GPC5: variants seen among roughly 807,000 people sequenced by gnomAD.
The protein encoded by GPC5 is glypican 5.
A neutral mutation model predicts 53.9 loss-of-function variants in GPC5; 47 were observed. The ratio of observed to expected loss-of-function variants is 0.87; its 90% CI spans 0.69 to 1.11. The LOEUF is 1.11. Among genes scored for constraint, GPC5 ranks in the 50% most tolerant of loss-of-function variants. GPC5 has a pLI of 0.00. For synonymous variants in GPC5, 286 were observed against 263.3 expected (o/e 1.09, Z -0.84); for missense variants, 748 against 713.1 (o/e 1.05, Z -0.56).
intron 6 of GPC5, among the ~76,000 whole-genome samples, chr13:92,003,161 A>T (rs996280664): frequency 6.6e-6 from 1 of 151,890 alleles, no homozygotes. Flanking sequence ...AAATACAAAA[A>T]TTAGCTGGGC....
At chr13:91,525,246 G>T (rs1300052056) in intron 2 of GPC5, among the ~76,000 whole-genome samples, 1 of 152,022 alleles carries the variant, frequency 6.6e-6, no homozygotes, top group African/African-American at 2.4e-5. Flanking sequence ...AAATTTTTTA[G>T]AGCATCCTGA....
chr13:91,758,475 T>C (rs1013461120), intron 5 of GPC5, among the ~76,000 whole-genome samples: 3 of 152,148 alleles, frequency 2.0e-5, no homozygotes, highest in African/African-American at 7.2e-5. Context: ...ATTTATCCCA[T>C]TCCTCTCTTG....
intron 7 of GPC5, among the ~76,000 whole-genome samples, chr13:92,743,751 A>G (rs2139315148): frequency 6.6e-6 from 1 of 152,242 alleles, no homozygotes; most frequent in East Asian, 1.9e-4. Context: ...TTATTTTGAT[A>G]TTCGTCCCAT....
intron 7 of GPC5, among the ~76,000 whole-genome samples, chr13:92,351,138 T>C (rs964885490): frequency 6.6e-6 from 1 of 151,890 alleles, no homozygotes; most frequent in Admixed American, 6.6e-5. Flanking sequence ...TTCAATAATA[T>C]ATTACTTATT....
chr13:92,784,448 C>T (rs956954594), intron 7 of GPC5, among the ~76,000 whole-genome samples: 9 of 150,314 alleles, frequency 6.0e-5, no homozygotes, highest in African/African-American at 2.2e-4. Flanking sequence ...CCAGATATTG[C>T]AAAAAGATGT....
chr13:92,176,313 G>A (rs1363291503), intron 7 of GPC5, among the ~76,000 whole-genome samples: 1 of 152,150 alleles, frequency 6.6e-6, no homozygotes, highest in African/African-American at 2.4e-5. Context: ...CTTTCATGAG[G>A]TAGCCCTTGT....
At chr13:91,513,797 A>G (rs147240206) in intron 2 of GPC5, among the ~76,000 whole-genome samples, 62 of 152,248 alleles carry the variant, frequency 4.1e-4, no homozygotes, top group African/African-American at 1.4e-3. Context: ...TCGTCTTCCC[A>G]TTTTATGACC....
intron 1 of GPC5, among the ~76,000 whole-genome samples, chr13:91,421,245 G>A (rs1005546204): frequency 2.0e-5 from 3 of 152,106 alleles, no homozygotes; most frequent in Non-Finnish European, 4.4e-5. Flanking sequence ...GTAGCCTGGG[G>A]TAGAAACTTC....
intron 2 of GPC5, among the ~76,000 whole-genome samples, chr13:91,587,831 G>T (rs2032655684): frequency 2.6e-5 from 4 of 152,156 alleles, no homozygotes; most frequent in Non-Finnish European, 1.5e-5. Flanking sequence ...GAGTTTTATG[G>T]TTGAAGACTT....
chr13:92,059,779 G>A (rs1336241706), intron 6 of GPC5: 1 of 151,600 alleles, frequency 6.6e-6, no homozygotes, highest in Non-Finnish European at 1.5e-5. Context: ...TTCTTAGCTG[G>A]GAGACTCACT....
chr13:91,818,002 T>C (rs1471011302), intron 5 of GPC5, among the ~76,000 whole-genome samples: 1 of 152,194 alleles, frequency 6.6e-6, no homozygotes, highest in Non-Finnish European at 1.5e-5. Context: ...TTTTTGTAGT[T>C]CATGAAACAG....
intron 7 of GPC5, among the ~76,000 whole-genome samples, chr13:92,162,116 C>A (rs58453329): frequency 1.4e-5 from 2 of 148,070 alleles, no homozygotes; most frequent in African/African-American, 5.1e-5. Flanking sequence ...CTATGGAATC[C>A]TGTTTTTTCC....
In GPC5 at chr13:92,623,748, TA is replaced by T. The variant is rs539800146; in HGVS notation, c.1562-242524del. On this transcript the variant is annotated intron_variant, in intron 7 of 7. Transcript: ENST00000377067. Reference sequence around the variant, plus strand: ...AAACATCTAAAAATAGTTTTCAAATTAAAAAAAAAACCAGTGAAATAGTTGC... The same window carrying T: ...AAACATCTAAAAATAGTTTTCAAATTAAAAAAAAACCAGTGAAATAGTTGC... 3.7e-3 allele frequency among the ~76,000 whole-genome samples: 552 copies of T among 148,784 alleles called. 6 individuals are homozygous for T. The highest frequency in any genetic ancestry group is 0.013 in the African/African-American group (508 of 40,604).
intron 2 of GPC5, among the ~76,000 whole-genome samples, chr13:91,476,774 A>G (rs1463978315): frequency 6.6e-6 from 1 of 152,206 alleles, no homozygotes; most frequent in Non-Finnish European, 1.5e-5. Flanking sequence ...ATGAAGGAAG[A>G]CAGGATGGGC....
chr13:92,253,299 C>A (rs1319748252), intron 7 of GPC5, among the ~76,000 whole-genome samples: 1 of 152,048 alleles, frequency 6.6e-6, no homozygotes, highest in African/African-American at 2.4e-5. Context: ...GATGAGAAGT[C>A]TCTGAAGGGT....
intron 5 of GPC5, among the ~76,000 whole-genome samples, chr13:91,762,060 A>T (rs1000500048): frequency 6.6e-6 from 1 of 152,246 alleles, no homozygotes; most frequent in African/African-American, 2.4e-5. Flanking sequence ...GGTAAAATTA[A>T]TATGCCACAT....
intron 7 of GPC5, among the ~76,000 whole-genome samples, chr13:92,754,349 C>A (rs1206203650): frequency 2.0e-5 from 3 of 152,194 alleles, no homozygotes; most frequent in Admixed American, 6.5e-5. Flanking sequence ...TGGAAATGCA[C>A]AAACGGTACC....
intron 1 of GPC5, among the ~76,000 whole-genome samples, chr13:91,404,273 A>G (rs1877162226): frequency 1.3e-5 from 2 of 152,210 alleles, no homozygotes; most frequent in Admixed American, 6.5e-5. Context: ...CCTCAACTAA[A>G]CAGACATAAT....
At chr13:91,921,036 A>C (rs1421891159) in intron 6 of GPC5, among the ~76,000 whole-genome samples, 1 of 140,124 alleles carries the variant, frequency 7.1e-6, no homozygotes, top group African/African-American at 2.7e-5. Context: ...TCCTGCGTTC[A>C]AGTGATTCTT....
Sources: gnomAD v4.1 joint callset for allele counts (sites outside exome capture counted in the v4.1 genomes callset) on GRCh38, gnomAD v4.1.1 for gene constraint, MANE v1.5 for transcripts, NCBI Gene and HGNC (gene_info 2026-07-23, HGNC 2026-07-21) for gene names.